The following EYA1 variants were observed in gnomAD, a reference collection of about 807,000 sequenced individuals.
EYA1 encodes the protein protein phosphatase EYA1.
A neutral mutation model predicts 82.0 loss-of-function variants in EYA1; 16 were observed. That is an observed-to-expected ratio of 0.20 (90% CI 0.13 to 0.30). The LOEUF is 0.30. Ranked by LOEUF, EYA1 falls within the 10% of genes least tolerant of loss-of-function variation. EYA1 has a pLI of 1.00. For missense variants in EYA1, 633 were observed against 730.7 expected (o/e 0.87, Z 1.54); for synonymous variants, 261 against 264.4 (o/e 0.99, Z 0.12).
intron 11 of EYA1, among the ~76,000 whole-genome samples, chr8:71,263,778 C>T (rs1815429514): frequency 6.6e-6 from 1 of 152,160 alleles, no homozygotes; most frequent in Non-Finnish European, 1.5e-5. Flanking sequence ...TTTTAAATTA[C>T]ACTTTAAAAA....
intron 2 of EYA1, among the ~76,000 whole-genome samples, chr8:71,482,298 A>G (rs1810226800): frequency 6.6e-6 from 1 of 152,214 alleles, no homozygotes; most frequent in East Asian, 1.9e-4. Flanking sequence ...AAAGGTGTTC[A>G]ATGTCATTAT....
intron 3 of EYA1, among the ~76,000 whole-genome samples, chr8:71,334,928 C>T (rs958870702): frequency 6.6e-5 from 10 of 152,158 alleles, no homozygotes; most frequent in African/African-American, 2.4e-4. Flanking sequence ...TAAAGCAATC[C>T]ACTCCCCTGA....
chr8:71,462,130 G>A, intron 2 of EYA1, among the ~76,000 whole-genome samples: 1 of 152,064 alleles, frequency 6.6e-6, no homozygotes, highest in East Asian at 1.9e-4. Flanking sequence ...GCCTCAATGG[G>A]GACCCACCGC....
intron 16 of EYA1, among the ~76,000 whole-genome samples, chr8:71,213,386 G>A (rs868330659): frequency 1.5e-4 from 23 of 152,214 alleles, no homozygotes; most frequent in South Asian, 4.1e-4. Context: ...ACTTTCATGT[G>A]CTGGTAAACC....
intron 8 of EYA1, among the ~76,000 whole-genome samples, 192 bp from the exon 9 acceptor site, chr8:71,299,425 T>A (rs1819951177): frequency 6.6e-6 from 1 of 152,242 alleles, no homozygotes; most frequent in East Asian, 1.9e-4. Context: ...ACATTCTTCA[T>A]ATTTTTGCTT....
chr8:71,265,804 A>C (rs1247830910), intron 11 of EYA1, among the ~76,000 whole-genome samples: 4 of 152,260 alleles, frequency 2.6e-5, no homozygotes, highest in Admixed American at 2.6e-4. Flanking sequence ...GCTAGGTCAG[A>C]TACTATTTAA....
intron 3 of EYA1, among the ~76,000 whole-genome samples, chr8:71,346,915 A>AT (rs1023139924): frequency 2.6e-5 from 4 of 152,130 alleles, no homozygotes; most frequent in South Asian, 4.2e-4. Context: ...TTATTTAACA[A>AT]TTTTTTTTAT....
chr8:71,546,467 A>G (rs1815584524), intron 1 of EYA1, among the ~76,000 whole-genome samples: 1 of 151,564 alleles, frequency 6.6e-6, no homozygotes, highest in South Asian at 2.1e-4. Flanking sequence ...TTGCACTCAT[A>G]GCCAGGATCC....
intron 2 of EYA1, among the ~76,000 whole-genome samples, chr8:71,430,726 G>A (rs1018121242): frequency 6.6e-6 from 1 of 152,142 alleles, no homozygotes; most frequent in Non-Finnish European, 1.5e-5. Context: ...TGCTGTAAAG[G>A]TTCCCCAAGT....
chr8:71,213,983 C>T (rs1034995441), intron 16 of EYA1, among the ~76,000 whole-genome samples: 74 of 152,096 alleles, frequency 4.9e-4, no homozygotes, highest in African/African-American at 1.3e-3. Flanking sequence ...TACAGTATGA[C>T]GGGGAAGTCA....
intron 2 of EYA1, among the ~76,000 whole-genome samples, chr8:71,529,037 A>G (rs1814045470): frequency 6.6e-6 from 1 of 152,166 alleles, no homozygotes; most frequent in African/African-American, 2.4e-5. Context: ...CATCCTGGGG[A>G]CCCAGCAATA....
At chr8:71,466,496 C>A (rs771909361) in intron 2 of EYA1, among the ~76,000 whole-genome samples, 1 of 151,958 alleles carries the variant, frequency 6.6e-6, no homozygotes, top group Non-Finnish European at 1.5e-5. Context: ...ACATTTAAAC[C>A]CAAAGTCTTT....
At chr8:71,492,459 T>TTTA (rs1440421380) in intron 2 of EYA1, among the ~76,000 whole-genome samples, 157 of 131,584 alleles carry the variant, frequency 1.2e-3, no homozygotes, top group Non-Finnish European at 1.5e-3. Context: ...TATTTATTTA[T>TTTA]TTATTATTAT....
intron 3 of EYA1, among the ~76,000 whole-genome samples, chr8:71,351,640 G>C (rs2129065287): frequency 6.6e-6 from 1 of 152,296 alleles, no homozygotes; most frequent in African/African-American, 2.4e-5. Flanking sequence ...GTGTCTTTCT[G>C]TCTTTATCCC....
chr8:71,353,518 T>A (rs1472714702), intron 3 of EYA1, among the ~76,000 whole-genome samples: 3 of 152,240 alleles, frequency 2.0e-5, no homozygotes, highest in Non-Finnish European at 4.4e-5. Flanking sequence ...GTACCCATTT[T>A]CATAAACACT....
At chr8:71,395,063 T>G (rs1021255341) in intron 2 of EYA1, among the ~76,000 whole-genome samples, 33 of 152,284 alleles carry the variant, frequency 2.2e-4, no homozygotes, top group African/African-American at 6.3e-4. Context: ...TATTGTGAAA[T>G]GGAGTTCACC....
chr8:71,471,872 T>C lies in EYA1; in HGVS notation c.33+63872A>G, dbSNP rs937391248. 3.9e-5 allele frequency among the ~76,000 whole-genome samples: 6 copies of C among 152,230 alleles called. No individual in the cohort carries two copies. In the East Asian group the frequency reaches 5.8e-4, roughly 15 times the overall value. On this transcript the variant is annotated intron_variant, in intron 2 of 18. Coordinates refer to the EYA1 transcript ENST00000643681. ...GATTTCAAATCCTGCAAACCCCTTT[T>C]ATAGCCCATCTTTGTCTCCCTTATA...
chr8:71,216,241 C>G (rs978493825), intron 14 of EYA1, among the ~76,000 whole-genome samples: 1 of 152,160 alleles, frequency 6.6e-6, no homozygotes, highest in Non-Finnish European at 1.5e-5. Context: ...GGAAACCAAC[C>G]TCACCCCTAA....
At chr8:71,262,217 T>C (rs1449595158) in intron 11 of EYA1, among the ~76,000 whole-genome samples, 1 of 152,236 alleles carries the variant, frequency 6.6e-6, no homozygotes, top group African/African-American at 2.4e-5. Context: ...GTGTAAACCA[T>C]AAAAGTTGAA....
Sources: allele counts gnomAD v4.1 joint callset (sites outside exome capture counted in the v4.1 genomes callset), GRCh38; gene constraint gnomAD v4.1.1; transcripts MANE v1.5; gene names NCBI Gene and HGNC (gene_info 2026-07-23, HGNC 2026-07-21).